The following UBA6 variants were observed in gnomAD, a reference collection of about 807,000 sequenced individuals.
UBA6 encodes the protein ubiquitin-like modifier-activating enzyme 6.
Under a neutral mutation model 148.3 loss-of-function variants are expected in UBA6, and 87 were observed. The ratio of observed to expected loss-of-function variants is 0.59; its 90% CI spans 0.49 to 0.70. UBA6 has a LOEUF of 0.70. UBA6 is among the 30% of genes least tolerant of loss of function. The pLI, the probability that UBA6 is intolerant of heterozygous loss-of-function variation, is 0.00. For missense variants in UBA6, 1,186 were observed against 1,241.2 expected, an observed-to-expected ratio of 0.96 and a Z score of 0.67; for synonymous variants, 376 against 401.0, an observed-to-expected ratio of 0.94 and a Z score of 0.75.
rs1560500599 is a variant in UBA6 at position 67,684,710 on chromosome 4, CT to C, written c.135-2498del. Among the ~76,000 whole-genome samples the C allele has an allele frequency of 2.6e-5, 4 of 152,072 alleles. No homozygotes were observed. The South Asian group carries it at 6.2e-4, about 24-fold the overall frequency. Reference sequence around the variant, plus strand: ...TATACCTGTTTGGGTTTTTTGTCTGCTTGTTTTCTTGATTACTAAAAGCAAC... The same window carrying C: ...TATACCTGTTTGGGTTTTTTGTCTGCTGTTTTCTTGATTACTAAAAGCAAC... On this transcript the variant is annotated intron_variant, in intron 2 of 32. Coordinates refer to ENST00000322244, the MANE Select transcript of UBA6 (RefSeq NM_018227.6).
chr4:67,649,713 A>G (rs1340773216), intron 13 of UBA6, among the ~76,000 whole-genome samples: 2 of 152,208 alleles, frequency 1.3e-5, no homozygotes. Flanking sequence ...CTTAGAGATA[A>G]TGTTTTCAAT....
intron 32 of UBA6, among the ~76,000 whole-genome samples, chr4:67,619,480 A>C (rs553858008): frequency 9.2e-5 from 14 of 152,324 alleles, no homozygotes; most frequent in African/African-American, 3.4e-4. Flanking sequence ...GTTTGAGACC[A>C]GCCTGGCCCA....
At position 67,614,225 on chromosome 4, in the gene UBA6, C is replaced by T. The variant is rs1389929188; in HGVS notation, c.*4772G>A. 2.0e-5 allele frequency: 3 copies of T among 152,194 alleles called. No individual in the cohort carries two copies. Among genetic ancestry groups the T allele is most frequent in the African/African-American group, 7.2e-5 (3 of 41,434 alleles). 9.4% of individuals were successfully genotyped at this position (152,194 alleles called of 1,614,324 possible). Reference sequence around the variant, plus strand: ...TAAATTAACCTATACCCTGGAAGCCCCCGCTTTGAGTTGTCCTGCCTTTCT... The same window carrying T: ...TAAATTAACCTATACCCTGGAAGCCTCCGCTTTGAGTTGTCCTGCCTTTCT... On this transcript the variant is annotated 3_prime_UTR_variant, in exon 33 of 33. Transcript: ENST00000322244.
chr4:67,620,164 C>A (rs1577783992), intron 32 of UBA6, among the ~76,000 whole-genome samples: 2 of 152,200 alleles, frequency 1.3e-5, no homozygotes, highest in Non-Finnish European at 1.5e-5. Context: ...TTCTAAATTC[C>A]CAAATTCAGA....
At chr4:67,694,256 A>AAACT (rs1730774179) in intron 2 of UBA6, among the ~76,000 whole-genome samples, 1 of 146,516 alleles carries the variant, frequency 6.8e-6, no homozygotes, top group Non-Finnish European at 1.5e-5. Flanking sequence ...AAAAAATACA[A>AAACT]AACTACCAAA....
At chr4:67,637,225 G>A (rs1291011024) in intron 19 of UBA6, among the ~76,000 whole-genome samples, 2 of 151,386 alleles carry the variant, frequency 1.3e-5, no homozygotes, top group African/African-American at 2.4e-5. Context: ...GAGGGAGGTG[G>A]GGGGCAGCAC....
At chr4:67,667,619 A>G (rs531997841) in intron 9 of UBA6, among the ~76,000 whole-genome samples, 2 of 152,094 alleles carry the variant, frequency 1.3e-5, no homozygotes, top group East Asian at 3.9e-4. Flanking sequence ...TCCCCTAAAT[A>G]GGTGTAAGCA....
At chr4:67,693,405 T>C (rs1308185431) in intron 2 of UBA6, among the ~76,000 whole-genome samples, 6 of 152,080 alleles carry the variant, frequency 3.9e-5, no homozygotes, top group Non-Finnish European at 8.8e-5. Flanking sequence ...ACATTATCAG[T>C]AAAATTTCCA....
intron 32 of UBA6, among the ~76,000 whole-genome samples, chr4:67,621,762 G>A (rs756560152): frequency 5.3e-5 from 8 of 152,142 alleles, no homozygotes; most frequent in African/African-American, 1.7e-4. Context: ...CTGAGATCGC[G>A]CCACTGCAAT....
intron 13 of UBA6, among the ~76,000 whole-genome samples, chr4:67,650,681 A>AGAGAGCAGAGTCC (rs1399206520): frequency 6.6e-6 from 1 of 152,206 alleles, no homozygotes; most frequent in African/African-American, 2.4e-5. Flanking sequence ...AATCTCGGAC[A>AGAGAGCAGAGTCC]GAGAGCAGAA....
chr4:67,661,459 A>T (rs998577107), intron 13 of UBA6, among the ~76,000 whole-genome samples: 1 of 152,142 alleles, frequency 6.6e-6, no homozygotes, highest in Non-Finnish European at 1.5e-5. Context: ...CCCTGTGAAG[A>T]GGTGCCTGCT....
Position 67,660,903 on chromosome 4 carries a change from G to A in UBA6, c.1104+1286C>T, listed in dbSNP as rs534532274. Reference sequence around the variant, plus strand: ...ATGGGAACCCACCTCTTGCATCAGCGTGACCTGGATGTGAGACATGGAGTC... The same window carrying A: ...ATGGGAACCCACCTCTTGCATCAGCATGACCTGGATGTGAGACATGGAGTC... On this transcript the variant is annotated intron_variant, in intron 13 of 32. Coordinates refer to ENST00000322244, the MANE Select transcript of UBA6 (RefSeq NM_018227.6). Among the ~76,000 whole-genome samples the A allele has an allele frequency of 5.6e-4, 86 of 152,332 alleles. 1 individual carries two copies. The highest frequency in any genetic ancestry group is 1.9e-3 in the African/African-American group (80 of 41,588).
At chr4:67,672,215 T>A (rs1379765629) in intron 7 of UBA6, among the ~76,000 whole-genome samples, 2 of 152,184 alleles carry the variant, frequency 1.3e-5, no homozygotes, top group Admixed American at 1.3e-4. Context: ...CCAAAGAGCT[T>A]TTATGTAAGT....
chr4:67,647,018 C>T (rs1033139658), intron 14 of UBA6, among the ~76,000 whole-genome samples: 2 of 152,102 alleles, frequency 1.3e-5, no homozygotes, highest in African/African-American at 2.4e-5. Flanking sequence ...TAATTTGATT[C>T]ATGTCACTTA....
chr4:67,672,183 ACT>A (rs527902040), intron 7 of UBA6, among the ~76,000 whole-genome samples: 149 of 152,154 alleles, frequency 9.8e-4, no homozygotes, highest in African/African-American at 3.5e-3. Context: ...ACTTCTTCAT[ACT>A]CTTTTGAATT....
At chr4:67,644,328 TCA>T (rs995451715) in intron 17 of UBA6, among the ~76,000 whole-genome samples, 2 of 152,160 alleles carry the variant, frequency 1.3e-5, no homozygotes, top group Non-Finnish European at 2.9e-5. Flanking sequence ...AATGTTAGCT[TCA>T]GTTATCTTAA....
At chr4:67,689,651 G>A (rs1191216090) in intron 2 of UBA6, among the ~76,000 whole-genome samples, 1 of 152,074 alleles carries the variant, frequency 6.6e-6, no homozygotes, top group Non-Finnish European at 1.5e-5. Context: ...AGTAATACTG[G>A]TTTTTGCTTA....
intron 13 of UBA6, among the ~76,000 whole-genome samples, chr4:67,657,623 C>T (rs1729732095): frequency 6.6e-6 from 1 of 151,958 alleles, no homozygotes; most frequent in African/African-American, 2.4e-5. Flanking sequence ...TGGAGGAAGA[C>T]TTCATGACTA....
chr4:67,628,597 T>C (rs548103309), intron 27 of UBA6, among the ~76,000 whole-genome samples: 112 of 152,018 alleles, frequency 7.4e-4, no homozygotes, highest in Non-Finnish European at 2.2e-4. Context: ...TATGTACTTA[T>C]TAGCATTTTT....
Sources: allele counts gnomAD v4.1 joint callset (sites outside exome capture counted in the v4.1 genomes callset), GRCh38; gene constraint gnomAD v4.1.1; transcripts MANE v1.5; gene names NCBI Gene and HGNC (gene_info 2026-07-23, HGNC 2026-07-21).